Variants in CYREN observed in about 807,000 individuals in gnomAD.
CYREN encodes cell cycle regulator of non-homologous end joining.
In CYREN, 7 loss-of-function variants were observed where a neutral mutation model predicts 9.7. The observed-to-expected ratio is 0.72, with a 90% confidence interval of 0.41 to 1.36. CYREN has a LOEUF of 1.36. CYREN is among the 40% of genes most tolerant of loss of function. CYREN has a pLI of 0.01. For synonymous variants in CYREN, 76 were observed against 77.9 expected (o/e 0.98, Z 0.13); for missense variants, 215 against 198.1 (o/e 1.09, Z -0.51).
At chr7:135,144,872 G>A (rs1401842737) in intron 2 of CYREN, among the ~76,000 whole-genome samples, 2 of 137,858 alleles carry the variant, frequency 1.5e-5, no homozygotes, top group Admixed American at 1.6e-4. Flanking sequence ...GGTCAAGGCT[G>A]CAATAAGCTG....
At position 135,144,297 on chromosome 7, in the gene CYREN, G is replaced by A. The variant is rs571825030; in HGVS notation, n.356+24452C>T. Among the ~76,000 whole-genome samples, 25 of 152,258 alleles carry A rather than the reference G, an allele frequency of 1.6e-4. No individual in the cohort carries two copies. In the East Asian group the frequency reaches 4.8e-3, roughly 29 times the overall value. On this transcript the variant is annotated intron_variant and non_coding_transcript_variant, in intron 2 of 2. Coordinates refer to the CYREN transcript ENST00000459937. Reference sequence around the variant, plus strand: ...AAGTAGATGGGTCACTCTAGAAGATGCAAGCCACTGTCACCAACCCCAGGT... The same window carrying A: ...AAGTAGATGGGTCACTCTAGAAGATACAAGCCACTGTCACCAACCCCAGGT...
At chr7:135,136,418 T>C (rs191622065) in intron 2 of CYREN, among the ~76,000 whole-genome samples, 135 of 152,180 alleles carry the variant, frequency 8.9e-4, no homozygotes, top group African/African-American at 3.0e-3. Flanking sequence ...TGGTGGGAAA[T>C]AGCTATCTTC....
At chr7:135,129,643 A>T (rs1356102178) in intron 2 of CYREN, 1 of 780,740 alleles carries the variant, frequency 1.3e-6, no homozygotes, top group Non-Finnish European at 2.4e-6. Flanking sequence ...CAGCTGTTTT[A>T]TGCTGTGGAT....
chr7:135,162,003 A>T (rs1039325051), downstream of CYREN, among the ~76,000 whole-genome samples: 3 of 152,260 alleles, frequency 2.0e-5, no homozygotes, highest in Non-Finnish European at 4.4e-5. Flanking sequence ...TCCATCAGCC[A>T]GCCTGCCCAG....
rs527278360 is a variant in CYREN, at chr7:135,127,338, C to T, written n.357-32756G>A. ...TTGGGAGGCCAGGGTGGGTGGATCA[C>T]GAGGTCAGAATATCGAGACCATCCT... On this transcript the variant is annotated intron_variant and non_coding_transcript_variant, in intron 2 of 2. Transcript: ENST00000459937. Among the ~76,000 whole-genome samples, 85 of 151,756 alleles carry T rather than the reference C, an allele frequency of 5.6e-4. 1 individual carries two copies. In the South Asian group the frequency reaches 6.6e-3, roughly 12 times the overall value.
chr7:135,164,431 G>A (rs1830028521), downstream of CYREN: 1 of 1,594,304 alleles, frequency 6.3e-7, no homozygotes, highest in Non-Finnish European at 8.6e-7. Context: ...CCCCGGCAGA[G>A]GGCAGTAGAG....
intron 2 of CYREN, chr7:135,148,293 T>A (rs1829590060): frequency 5.6e-6 from 2 of 356,268 alleles, no homozygotes; most frequent in African/African-American, 2.1e-5. Context: ...CCTGCAAGCA[T>A]CACAGCTTAC....
chr7:135,135,307 T>G (rs1397829860), intron 2 of CYREN: 2 of 1,407,970 alleles, frequency 1.4e-6, no homozygotes, highest in East Asian at 5.0e-5. Flanking sequence ...GGATAACATA[T>G]GCTTATGTAG....
At chr7:135,167,979 C>CCCTGTG in intron 2 of CYREN, 172 bp from the exon 3 acceptor site, 1 of 1,171,906 alleles carries the variant, frequency 8.5e-7, no homozygotes, top group Non-Finnish European at 1.2e-6. Context: ...AGCCTTGCAG[C>CCCTGTG]CCAGTGACTG....
exon 3 of CYREN, chr7:135,093,200 A>G (rs1178973122): frequency 6.8e-6 from 1 of 147,448 alleles, no homozygotes; most frequent in African/African-American, 2.5e-5. Flanking sequence ...ATAAGGCAAG[A>G]AAAAAAAAAA....
At chr7:135,117,432 T>G (rs868485052) in intron 2 of CYREN, among the ~76,000 whole-genome samples, 1 of 152,208 alleles carries the variant, frequency 6.6e-6, no homozygotes, top group South Asian at 2.1e-4. Context: ...TGCAAACTCT[T>G]ACAGCACATT....
chr7:135,122,417 G>A (rs1367117139), intron 2 of CYREN, among the ~76,000 whole-genome samples: 2 of 152,194 alleles, frequency 1.3e-5, no homozygotes, highest in South Asian at 2.1e-4. Context: ...CGGGAGGGGT[G>A]ACCACAGTCT....
chr7:135,151,282 T>C lies in CYREN; in HGVS notation n.356+17467A>G, dbSNP rs1164064164. 6.6e-6 allele frequency among the ~76,000 whole-genome samples: 1 copy of C among 152,236 alleles called. No individual in the cohort carries two copies. On this transcript the variant is annotated intron_variant and non_coding_transcript_variant, in intron 2 of 2. Transcript: ENST00000459937. The surrounding 1 kb of genome is among the most constrained non-coding windows in gnomAD (Gnocchi z 4.3). ...GAAAAACACTGCAGTAGCCCTGTTT[T>C]GAAAAGAATTAGAACCTGGACTCAT...
intron 2 of CYREN, 98 bp downstream of exon 2, chr7:135,168,688 T>C (rs1441203546): frequency 6.7e-7 from 1 of 1,496,378 alleles, no homozygotes; most frequent in East Asian, 2.3e-5. Flanking sequence ...CCCGCCCATC[T>C]TGCTGTTCTG....
At chr7:135,164,198 GA>G (rs150750846), downstream of CYREN, among the ~76,000 whole-genome samples, 58 of 152,358 alleles carry the variant, frequency 3.8e-4, no homozygotes, top group East Asian at 0.01. Flanking sequence ...GCTTGGGAGA[GA>G]CTTTTCCTCC....
upstream of CYREN, chr7:135,170,899 A>T (rs1830619783): frequency 6.6e-6 from 1 of 151,196 alleles, no homozygotes; most frequent in Admixed American, 6.6e-5. Flanking sequence ...GCCGGCTGGC[A>T]TCCGGTTGGC....
chr7:135,163,092 T>C (rs1829988322), downstream of CYREN, among the ~76,000 whole-genome samples: 1 of 152,168 alleles, frequency 6.6e-6, no homozygotes, highest in Non-Finnish European at 1.5e-5. Flanking sequence ...CTTATAATGG[T>C]GAAAAGTGGA....
At chr7:135,121,305 T>C (rs150379629) in intron 2 of CYREN, among the ~76,000 whole-genome samples, 80 of 152,232 alleles carry the variant, frequency 5.3e-4, no homozygotes, top group Admixed American at 3.6e-3. Flanking sequence ...TTTCAATAAT[T>C]AGAAAATAAG....
chr7:135,162,600 C>T (rs187040792), downstream of CYREN, among the ~76,000 whole-genome samples: 3 of 152,286 alleles, frequency 2.0e-5, 1 homozygote, highest in Admixed American at 2.0e-4. Flanking sequence ...AGGGGAAATG[C>T]CCTTTATAAA....
Sources: gnomAD v4.1 joint callset for allele counts (sites outside exome capture counted in the v4.1 genomes callset) on GRCh38, gnomAD v4.1.1 for gene constraint, Gnocchi (gnomAD v3.1) non-coding constraint, MANE v1.5 for transcripts, NCBI Gene and HGNC (gene_info 2026-07-23, HGNC 2026-07-21) for gene names.